The following PRUNE2 variants were observed in gnomAD, a reference collection of about 807,000 sequenced individuals.
PRUNE2 encodes the protein protein prune homolog 2.
A neutral mutation model predicts 252.0 loss-of-function variants in PRUNE2; 164 were observed. The ratio of observed to expected loss-of-function variants is 0.65; its 90% confidence interval spans 0.57 to 0.74. The LOEUF (loss-of-function observed/expected upper bound fraction) is 0.74, where lower values mean the gene tolerates loss of function less well. Among genes scored for constraint, PRUNE2 ranks in the 30% least tolerant of loss-of-function variants. The probability of loss-of-function intolerance (pLI) is 0.00; values close to 1 mark genes in which losing one functional copy is unlikely to be tolerated. For missense variants in PRUNE2, 3,495 were observed against 3,711.0 expected, an observed-to-expected ratio of 0.94 and a Z score of 1.51; for synonymous variants, 1,292 against 1,350.2, an observed-to-expected ratio of 0.96 and a Z score of 0.94.
chr9:76,663,150 C>T (rs901428493), intron 9 of PRUNE2, among the ~76,000 whole-genome samples: 1 of 152,220 alleles, frequency 6.6e-6, no homozygotes, highest in Admixed American at 6.5e-5. Flanking sequence ...CACTGAGCTT[C>T]ACACTTTGCC....
In PRUNE2 at chr9:76,709,497, A is replaced by C; in HGVS notation, c.2777T>G (p.Met926Arg). The C allele has an allele frequency of 6.2e-7, 1 of 1,613,964 alleles. No individual in the cohort carries two copies. Among genetic ancestry groups the C allele is most frequent in the South Asian group, 1.1e-5 (1 of 91,090 alleles). ...TAGGACATCTGACCCTCCTTTCTTC[A>C]TATTCTCCTCAAAAAGGTTCCAGGA... ...VDSWNLFEEN[M>R]KKGGSDVLVP... is the part of the protein sequence containing the mutation. The change falls in exon 8 of 19, where the codon ATG becomes AGG. Residue 926 changes from methionine (M) to arginine (R), a missense_variant. By Grantham distance (91) the Met-to-Arg change is moderately conservative (BLOSUM62 -1). Transcript: ENST00000376718.
At chr9:76,711,840 A>G (rs537166144) in intron 7 of PRUNE2, among the ~76,000 whole-genome samples, 24 of 152,318 alleles carry the variant, frequency 1.6e-4, no homozygotes, top group Non-Finnish European at 3.4e-4. Flanking sequence ...TAGGAAAGAC[A>G]AAGATGCTCC....
At chr9:76,784,527 A>G (rs2054769464) in intron 6 of PRUNE2, 1 of 152,188 alleles carries the variant, frequency 6.6e-6, no homozygotes, top group Non-Finnish European at 1.5e-5. Flanking sequence ...GTAATATCTG[A>G]TCTCTACGGT....
chr9:76,877,907 T>C (rs2061557453), intron 1 of PRUNE2, among the ~76,000 whole-genome samples: 1 of 152,216 alleles, frequency 6.6e-6, no homozygotes, highest in African/African-American at 2.4e-5. Flanking sequence ...TAGTGTAAGA[T>C]ACACCATGAC....
At chr9:76,859,751 T>C (rs144196313) in intron 1 of PRUNE2, among the ~76,000 whole-genome samples, 1,907 of 152,188 alleles carry the variant, frequency 0.013, 41 homozygotes, top group African/African-American at 0.044. Context: ...TCTTGTTGCC[T>C]AGGCTGGAGT....
At chr9:76,772,703 A>G (rs2053250649) in intron 6 of PRUNE2, among the ~76,000 whole-genome samples, 2 of 152,094 alleles carry the variant, frequency 1.3e-5, no homozygotes, top group South Asian at 4.1e-4. Context: ...AGCTGGGACT[A>G]TAGGCACACA....
intron 1 of PRUNE2, among the ~76,000 whole-genome samples, chr9:76,877,636 A>C (rs1395089147): frequency 6.6e-6 from 1 of 152,196 alleles, no homozygotes; most frequent in East Asian, 1.9e-4. Flanking sequence ...CAGCTGCTGA[A>C]TATCTCTTGA....
At chr9:76,738,092 A>G (rs2049241182) in intron 6 of PRUNE2, 1 of 152,184 alleles carries the variant, frequency 6.6e-6, no homozygotes, top group Non-Finnish European at 1.5e-5. Flanking sequence ...CTGGTGGTTA[A>G]TGTTAATATT....
Position 76,707,429 on chromosome 9 carries a change from A to T in PRUNE2, c.4845T>A (p.Asp1615Glu). Reference protein sequence around the residue: ...NRINEFEKSFDRKTPTFLEIW... With the variant: ...NRINEFEKSFERKTPTFLEIW... ...TCTCTAAAAATGTAGGAGTTTTGCG[A>T]TCAAAGCTCTTTTCAAACTCATTTA... The change falls in exon 8 of 19, where the codon GAT becomes GAA. Residue 1615 changes from aspartate to glutamate, a missense_variant. Asp to Glu is a conservative substitution (Grantham distance 45). Transcript: ENST00000376718. 1 of 1,613,972 alleles carries T rather than the reference A, an allele frequency of 6.2e-7. No homozygotes were observed.
chr9:76,679,262 C>G (rs1244920926), intron 9 of PRUNE2, among the ~76,000 whole-genome samples: 1 of 152,164 alleles, frequency 6.6e-6, no homozygotes, highest in Non-Finnish European at 1.5e-5. Flanking sequence ...ACCATCATTT[C>G]AGTAATTTTG....
chr9:76,822,944 C>T (rs998899624), intron 6 of PRUNE2, among the ~76,000 whole-genome samples: 1 of 152,148 alleles, frequency 6.6e-6, no homozygotes, highest in Non-Finnish European at 1.5e-5. Flanking sequence ...CTGGTAAAGA[C>T]AATACAACAG....
At chr9:76,781,351 C>T (rs1236256529) in intron 6 of PRUNE2, among the ~76,000 whole-genome samples, 4 of 152,132 alleles carry the variant, frequency 2.6e-5, no homozygotes, top group Non-Finnish European at 5.9e-5. Flanking sequence ...ATGCCACTCC[C>T]TCCCCTACAC....
At chr9:76,849,333 T>C (rs1447438294) in intron 3 of PRUNE2, among the ~76,000 whole-genome samples, 1 of 152,218 alleles carries the variant, frequency 6.6e-6, no homozygotes, top group East Asian at 1.9e-4. Context: ...TAGTATAACA[T>C]GCTATGAATG....
At chr9:76,804,230 G>A (rs910415352) in intron 6 of PRUNE2, among the ~76,000 whole-genome samples, 9 of 152,164 alleles carry the variant, frequency 5.9e-5, no homozygotes, top group African/African-American at 2.2e-4. Flanking sequence ...CATGCCCACT[G>A]TGTCCCCCAA....
Position 76,751,275 on chromosome 9 carries a change from C to G in PRUNE2, c.757-37554G>C, listed in dbSNP as rs201819597. On this transcript the variant is annotated intron_variant, in intron 6 of 18. Transcript: ENST00000376718. ...AGACACACACACACACACACACAGA[C>G]ACACACACACACACAGAAATCTTAG... Among the ~76,000 whole-genome samples the G allele has an allele frequency of 1.3e-4, 13 of 96,492 alleles. No homozygotes were observed. In the South Asian group the frequency reaches 1.6e-3, roughly 12 times the overall value. 63.3% of individuals were successfully genotyped at this position (96,492 alleles called of 152,430 possible). A position where few individuals can be genotyped will look rare whatever the true frequency, so the allele number is the denominator to read the frequency against.
chr9:76,703,896 C>G lies in PRUNE2; in HGVS notation c.7717G>C (p.Ala2573Pro). The change falls in exon 9 of 19, where the codon GCT (alanine) becomes CCT (proline). Residue 2573 changes from alanine (A) to proline (P), a missense_variant. Physicochemically the swap from Ala to Pro is conservative, Grantham distance 27. Transcript: ENST00000376718. ...GAACCTACATACAATTCTAATTCAG[C>G]TATGCTTTCTCTTTCTTCACAGGTC... is the stretch of plus-strand genomic sequence containing the variant. ...PETCEERESI[A>P]ELELYVGSKE... 1 of 1,613,808 alleles carries G rather than the reference C, an allele frequency of 6.2e-7. No homozygotes were observed. The highest frequency in any genetic ancestry group is 1.1e-5 in the South Asian group (1 of 91,074).
chr9:76,709,548 C>T lies in PRUNE2; in HGVS notation c.2726G>A (p.Arg909Lys), dbSNP rs747624045. 1.9e-6 allele frequency: 3 copies of T among 1,613,880 alleles called. No homozygotes were observed. The highest frequency in any genetic ancestry group is 1.7e-5 in the Admixed American group (1 of 60,002). Reference sequence around the variant, plus strand: ...ATCTACCTTTTCATATACCTTGCCCCTAGTTTTAGGATCCACTAAACCATT... The same window carrying T: ...ATCTACCTTTTCATATACCTTGCCCTTAGTTTTAGGATCCACTAAACCATT... Reference protein sequence around the residue: ...DQNGLVDPKTRGKVYEKVDSW... With the variant: ...DQNGLVDPKTKGKVYEKVDSW... The change falls in exon 8 of 19, where the codon AGG becomes AAG. Residue 909 changes from arginine to lysine, a missense_variant. By Grantham distance (26) the Arg-to-Lys change is conservative. Transcript: ENST00000376718.
intron 12 of PRUNE2, among the ~76,000 whole-genome samples, chr9:76,643,862 G>A (rs149134285): frequency 1.3e-5 from 2 of 152,130 alleles, no homozygotes; most frequent in African/African-American, 2.4e-5. Context: ...GCAGTGTTTT[G>A]AGGCAGTGCT....
chr9:76,684,231 C>T (rs945425897), intron 9 of PRUNE2, among the ~76,000 whole-genome samples: 1 of 152,218 alleles, frequency 6.6e-6, no homozygotes, highest in Admixed American at 6.5e-5. Flanking sequence ...TGATCAATCA[C>T]TCCCCTTTCC....
Sources: gnomAD v4.1 joint callset for allele counts (sites outside exome capture counted in the v4.1 genomes callset) on GRCh38, gnomAD v4.1.1 for gene constraint, MANE v1.5 for transcripts, NCBI Gene and HGNC (gene_info 2026-07-23, HGNC 2026-07-21) for gene names.